The following DGKB variants were observed in gnomAD, a reference collection of about 807,000 sequenced individuals.
The protein encoded by DGKB is 90 kDa diacylglycerol kinase.
Under a neutral mutation model 114.3 loss-of-function variants are expected in DGKB, and 67 were observed. The observed-to-expected ratio is 0.59, with a 90% confidence interval of 0.48 to 0.72. The LOEUF is 0.72. Among genes scored for constraint, DGKB ranks in the 30% least tolerant of loss-of-function variants. The probability of loss-of-function intolerance (pLI) is 0.00; values close to 1 mark genes in which losing one functional copy is unlikely to be tolerated. For synonymous variants in DGKB, 398 were observed against 323.1 expected (o/e 1.23, Z -2.49); for missense variants, 907 against 975.2 (o/e 0.93, Z 0.93).
At chr7:14,481,676 A>G (rs946268229) in intron 20 of DGKB, among the ~76,000 whole-genome samples, 1 of 152,004 alleles carries the variant, frequency 6.6e-6, no homozygotes, top group African/African-American at 2.4e-5. Context: ...AATTAAAAGT[A>G]ATCTTGCATA....
chr7:14,402,186 AAAAG>A (rs945078573), intron 21 of DGKB, among the ~76,000 whole-genome samples: 1 of 151,808 alleles, frequency 6.6e-6, no homozygotes, highest in Non-Finnish European at 1.5e-5. Flanking sequence ...CTTATTTTTT[AAAAG>A]AAAGAAGGAA....
chr7:14,846,342 T>A (rs1388038729), intron 1 of DGKB, among the ~76,000 whole-genome samples: 1 of 152,226 alleles, frequency 6.6e-6, no homozygotes, highest in Non-Finnish European at 1.5e-5. Flanking sequence ...TGATATGACA[T>A]GTAGCTAAAT....
intron 21 of DGKB, among the ~76,000 whole-genome samples, chr7:14,383,340 T>C (rs1819788588): frequency 6.6e-6 from 1 of 152,232 alleles, no homozygotes; most frequent in African/African-American, 2.4e-5. Context: ...TTGACTTTCA[T>C]CAAATGATAT....
At chr7:14,532,431 G>T (rs996646312) in intron 20 of DGKB, among the ~76,000 whole-genome samples, 3 of 151,392 alleles carry the variant, frequency 2.0e-5, no homozygotes, top group African/African-American at 7.2e-5. Flanking sequence ...GATTAAGTGT[G>T]AAAGACTGGA....
At chr7:14,873,029 A>G (rs1206294418) in intron 1 of DGKB, among the ~76,000 whole-genome samples, 1 of 152,116 alleles carries the variant, frequency 6.6e-6, no homozygotes, top group Non-Finnish European at 1.5e-5. Flanking sequence ...TAAGTTCTAA[A>G]AAGTAACCAG....
chr7:14,855,423 G>GA (rs1404987683), intron 1 of DGKB, among the ~76,000 whole-genome samples: 2 of 152,174 alleles, frequency 1.3e-5, no homozygotes, highest in East Asian at 1.9e-4. Flanking sequence ...GGACATACTA[G>GA]AAAAAAGATC....
chr7:14,749,397 T>G (rs1277794477), intron 4 of DGKB, among the ~76,000 whole-genome samples: 1 of 152,072 alleles, frequency 6.6e-6, no homozygotes, highest in Admixed American at 6.6e-5. Context: ...CACTTCAGAG[T>G]CACATACTCC....
At chr7:14,861,670 C>T (rs189026376) in intron 1 of DGKB, among the ~76,000 whole-genome samples, 1 of 150,320 alleles carries the variant, frequency 6.7e-6, no homozygotes, top group Admixed American at 6.6e-5. Context: ...GTTTTACCAC[C>T]TATTATGGCC....
At chr7:14,216,994 T>C (rs962566685) in intron 23 of DGKB, among the ~76,000 whole-genome samples, 1 of 152,066 alleles carries the variant, frequency 6.6e-6, no homozygotes, top group Non-Finnish European at 1.5e-5. Context: ...AAATATATAG[T>C]TTTAAAAGTT....
chr7:14,278,733 T>A (rs1479360969), intron 23 of DGKB, among the ~76,000 whole-genome samples: 1 of 151,928 alleles, frequency 6.6e-6, no homozygotes, highest in Admixed American at 6.6e-5. Flanking sequence ...AAATTATACA[T>A]CTGATAGGGA....
intron 21 of DGKB, among the ~76,000 whole-genome samples, chr7:14,442,419 T>C (rs937945023): frequency 3.3e-5 from 5 of 152,074 alleles, no homozygotes; most frequent in Non-Finnish European, 7.4e-5. Context: ...CCTGTATTGG[T>C]AGAATATTTG....
intron 16 of DGKB, among the ~76,000 whole-genome samples, chr7:14,611,983 GA>G: frequency 6.6e-6 from 1 of 151,598 alleles, no homozygotes; most frequent in African/African-American, 2.4e-5. Context: ...TAGTAAAGAA[GA>G]AAGTAATTTC....
At chr7:14,330,050 A>G (rs1268786777) in intron 23 of DGKB, among the ~76,000 whole-genome samples, 1 of 152,020 alleles carries the variant, frequency 6.6e-6, no homozygotes, top group Non-Finnish European at 1.5e-5. Context: ...GAACATACCC[A>G]TTAAAGCATT....
chr7:14,626,409 C>T (rs977517280), intron 14 of DGKB, among the ~76,000 whole-genome samples: 8 of 152,212 alleles, frequency 5.3e-5, no homozygotes, highest in Non-Finnish European at 1.2e-4. Context: ...TACTGCACAA[C>T]TTGCCTGAAT....
chr7:14,177,486 T>G (rs1347168666), intron 24 of DGKB, among the ~76,000 whole-genome samples: 1 of 125,958 alleles, frequency 7.9e-6, no homozygotes, highest in African/African-American at 3.2e-5. Context: ...AACTGGAAGG[T>G]GGGGTTGCAG....
At chr7:14,907,964 G>A (rs753522445), upstream of DGKB, among the ~76,000 whole-genome samples, 14 of 152,310 alleles carry the variant, frequency 9.2e-5, 1 homozygote, top group Middle Eastern at 6.8e-3. Flanking sequence ...TTAAAGCACA[G>A]CATAGAAATT....
intron 23 of DGKB, among the ~76,000 whole-genome samples, chr7:14,211,256 TTCC>T (rs972811605): frequency 3.3e-5 from 5 of 151,450 alleles, no homozygotes. Context: ...TGACCATTAC[TTCC>T]TCATGAAGTC....
intron 2 of DGKB, among the ~76,000 whole-genome samples, chr7:14,815,813 A>G (rs187153451): frequency 1.3e-5 from 2 of 152,302 alleles, no homozygotes; most frequent in Admixed American, 6.5e-5. Context: ...ACTGTGTACA[A>G]TCGTGATAAG....
intron 23 of DGKB, among the ~76,000 whole-genome samples, chr7:14,187,798 A>G (rs766618069): frequency 6.6e-6 from 1 of 152,180 alleles, no homozygotes; most frequent in Non-Finnish European, 1.5e-5. Flanking sequence ...CAAGAAACAT[A>G]AAAAAGCAAA....
Sources: allele counts gnomAD v4.1 joint callset (sites outside exome capture counted in the v4.1 genomes callset), GRCh38; gene constraint gnomAD v4.1.1; transcripts MANE v1.5; gene names NCBI Gene and HGNC (gene_info 2026-07-23, HGNC 2026-07-21).